Variants in PLXNA4 observed in about 807,000 individuals in gnomAD.
PLXNA4 encodes plexin A4.
Under a neutral mutation model 191.8 loss-of-function variants are expected in PLXNA4, and 44 were observed. The ratio of observed to expected loss-of-function variants is 0.23; its 90% CI spans 0.18 to 0.29. The LOEUF is 0.29. Among genes scored for constraint, PLXNA4 ranks in the 10% least tolerant of loss-of-function variants. The probability of loss-of-function intolerance (pLI) is 1.00; values close to 1 mark genes in which losing one functional copy is unlikely to be tolerated. For synonymous variants in PLXNA4, 1,082 were observed against 1,009.5 expected (o/e 1.07, Z -1.36); for missense variants, 1,800 against 2,488.8 (o/e 0.72, Z 5.89).
intron 2 of PLXNA4, among the ~76,000 whole-genome samples, chr7:132,495,801 C>A (rs979936728): frequency 6.6e-6 from 1 of 152,208 alleles, no homozygotes; most frequent in Non-Finnish European, 1.5e-5. Flanking sequence ...TTAGACCAAC[C>A]TTTTCCCACC....
At chr7:132,272,223 C>G (rs1047561454) in intron 4 of PLXNA4, among the ~76,000 whole-genome samples, 7 of 152,174 alleles carry the variant, frequency 4.6e-5, no homozygotes, top group Admixed American at 4.6e-4. Flanking sequence ...TGCTATTTAA[C>G]CTCCTCAATA....
chr7:132,539,682 C>T (rs2116493357), intron 1 of PLXNA4, among the ~76,000 whole-genome samples: 1 of 152,316 alleles, frequency 6.6e-6, no homozygotes, highest in East Asian at 1.9e-4. Context: ...ACCTATTTCA[C>T]AGGGTTGTTG....
At position 132,130,474 on chromosome 7, in the gene PLXNA4, G is replaced by T. The variant is rs199878062; in HGVS notation, c.*5C>A. The T allele has an allele frequency of 2.5e-6, 4 of 1,614,030 alleles. No individual in the cohort carries two copies. In the African/African-American group the frequency reaches 5.3e-5, roughly 22 times the overall value. On this transcript the variant is annotated 3_prime_UTR_variant, in exon 32 of 32. Transcript: ENST00000321063. ...CCCTCCAGGGCGGCCCTGGAAGGAC[G>T]GTTCTCAGCTGTCTAAGCTCATGAG...
intron 3 of PLXNA4, among the ~76,000 whole-genome samples, chr7:132,431,314 C>T (rs1406191404): frequency 6.6e-6 from 1 of 152,068 alleles, no homozygotes; most frequent in Non-Finnish European, 1.5e-5. Flanking sequence ...CAATCACTCC[C>T]CACCTCCCCT....
chr7:132,350,664 A>G (rs938242970), intron 3 of PLXNA4, among the ~76,000 whole-genome samples: 5 of 152,168 alleles, frequency 3.3e-5, no homozygotes, highest in African/African-American at 1.2e-4. Flanking sequence ...GTGTGCAGCA[A>G]TTGGAACCCT....
At position 132,431,329 on chromosome 7, in the gene PLXNA4, C is replaced by T. The variant is rs192480590; in HGVS notation, c.1371+57963G>A. On this transcript the variant is annotated intron_variant, in intron 3 of 31. Transcript: ENST00000321063. ...CAATCACTCCCCACCTCCCCTCTCC[C>T]CCTCCCAATCCTGGGTGGTAAGGCA... Among the ~76,000 whole-genome samples the T allele has an allele frequency of 1.3e-3, 199 of 152,258 alleles. 1 individual carries two copies. Among genetic ancestry groups the T allele is most frequent in the African/African-American group, 4.6e-3 (192 of 41,550 alleles).
intron 3 of PLXNA4, among the ~76,000 whole-genome samples, chr7:132,444,738 T>C (rs182705482): frequency 4.7e-4 from 72 of 152,250 alleles, no homozygotes; most frequent in African/African-American, 1.5e-3. Flanking sequence ...TGTGCAACCA[T>C]GCACCCTCTC....
intron 2 of PLXNA4, chr7:132,645,797 G>T (rs1208465994): frequency 1.3e-5 from 2 of 152,458 alleles, no homozygotes; most frequent in African/African-American, 4.8e-5. Context: ...TACCATCAAG[G>T]GAAGCGAAAG....
rs75510861 is a variant in PLXNA4 at position 132,506,490 on chromosome 7, C to G, written c.1188+1016G>C. 1.1e-3 allele frequency among the ~76,000 whole-genome samples: 172 copies of G among 152,280 alleles called. No homozygotes were observed. In the East Asian group the frequency reaches 0.026, roughly 23 times the overall value. ...GATGTTCTCAGACTAGGTTCATAAT[C>G]TTTAAAATGCACAGTTATAAAAGGA... is the stretch of plus-strand genomic sequence containing the variant. On this transcript the variant is annotated intron_variant, in intron 2 of 31. Transcript: ENST00000321063.
chr7:132,404,731 G>A (rs747618770), intron 3 of PLXNA4, among the ~76,000 whole-genome samples: 14 of 152,318 alleles, frequency 9.2e-5, no homozygotes, highest in African/African-American at 3.4e-4. Flanking sequence ...CCTCATAGGG[G>A]TATAGAGATT....
intron 3 of PLXNA4, among the ~76,000 whole-genome samples, chr7:132,440,744 T>A (rs1795668214): frequency 6.6e-6 from 1 of 152,092 alleles, no homozygotes; most frequent in South Asian, 2.1e-4. Flanking sequence ...CCAGAAGGGG[T>A]CAAGGCCTAG....
At chr7:132,415,203 G>A (rs145549699) in intron 3 of PLXNA4, among the ~76,000 whole-genome samples, 1 of 152,366 alleles carries the variant, frequency 6.6e-6, no homozygotes. Context: ...TTGGCGGCCT[G>A]CAGAGCAACA....
At chr7:132,512,769 G>A (rs536109440) in intron 1 of PLXNA4, among the ~76,000 whole-genome samples, 1 of 152,212 alleles carries the variant, frequency 6.6e-6, no homozygotes, top group South Asian at 2.1e-4. Flanking sequence ...AGTTTCCAGG[G>A]GGGTTTCCCT....
chr7:132,397,382 G>A (rs2117023987), intron 3 of PLXNA4, among the ~76,000 whole-genome samples: 1 of 152,326 alleles, frequency 6.6e-6, no homozygotes, highest in South Asian at 2.1e-4. Flanking sequence ...ATGCGTCTTT[G>A]ATGATAGTGA....
At chr7:132,269,068 C>A (rs1439309690) in intron 4 of PLXNA4, among the ~76,000 whole-genome samples, 1 of 152,178 alleles carries the variant, frequency 6.6e-6, no homozygotes, top group African/African-American at 2.4e-5. Flanking sequence ...ACACTGGACA[C>A]ATGCGTCCTC....
At chr7:132,579,425 T>TTGTGTGTGTGTGCGTGTG (rs1056258472), upstream of PLXNA4, among the ~76,000 whole-genome samples, 3 of 151,012 alleles carry the variant, frequency 2.0e-5, no homozygotes, top group Admixed American at 1.3e-4. Context: ...TCGGTTGTAT[T>TTGTGTGTGTGTGCGTGTG]TGTGTGTGTG....
At chr7:132,186,603 C>A (rs922403451) in intron 15 of PLXNA4, among the ~76,000 whole-genome samples, 1 of 152,170 alleles carries the variant, frequency 6.6e-6, no homozygotes, top group African/African-American at 2.4e-5. Context: ...GTGATTGAAA[C>A]CACCTTTGCA....
At chr7:132,168,821 A>T (rs901018903) in intron 21 of PLXNA4, among the ~76,000 whole-genome samples, 1 of 152,234 alleles carries the variant, frequency 6.6e-6, no homozygotes, top group Non-Finnish European at 1.5e-5. Flanking sequence ...TGGCGGGGCT[A>T]GGATGGCACT....
intron 5 of PLXNA4, among the ~76,000 whole-genome samples, chr7:132,228,811 C>T (rs551101620): frequency 5.3e-5 from 8 of 152,324 alleles, no homozygotes; most frequent in African/African-American, 1.9e-4. Flanking sequence ...CCTTAGGCAA[C>T]CAGAGATTTG....
Sources: gnomAD v4.1 joint callset for allele counts (sites outside exome capture counted in the v4.1 genomes callset) on GRCh38, gnomAD v4.1.1 for gene constraint, MANE v1.5 for transcripts, NCBI Gene and HGNC (gene_info 2026-07-23, HGNC 2026-07-21) for gene names.